Variants in VPS13B observed in about 807,000 individuals in gnomAD.
VPS13B encodes the protein intermembrane lipid transfer protein VPS13B.
Under a neutral mutation model 426.4 loss-of-function variants are expected in VPS13B, and 285 were observed. The observed-to-expected ratio is 0.67, with a 90% CI of 0.61 to 0.74. The LOEUF is 0.74. VPS13B is among the 30% of genes least tolerant of loss of function. The pLI is 0.00. For missense variants in VPS13B, 4,537 were observed against 4,782.6 expected (o/e 0.95, Z 1.51); for synonymous variants, 1,676 against 1,676.4 (o/e 1.00, Z 0.01).
intron 52 of VPS13B, among the ~76,000 whole-genome samples, chr8:99,833,382 G>C (rs1391328946): frequency 1.3e-5 from 2 of 152,198 alleles, no homozygotes; most frequent in African/African-American, 4.8e-5. Flanking sequence ...CTTATGATAA[G>C]TACCTTATTT....
chr8:99,467,807 G>A (rs1014952531), intron 24 of VPS13B, among the ~76,000 whole-genome samples, 173 bp downstream of exon 24: 2 of 152,166 alleles, frequency 1.3e-5, no homozygotes, highest in African/African-American at 4.8e-5. Flanking sequence ...CTCAAGTTGT[G>A]TAATTTAAAC....
chr8:99,431,483 C>T (rs2133412034), intron 21 of VPS13B, 54 bp from the exon 22 acceptor site: 3 of 1,599,274 alleles, frequency 1.9e-6, no homozygotes, highest in South Asian at 1.1e-5. Context: ...TTGGTATGTT[C>T]TGTGAAATTG....
At chr8:99,270,589 C>G (rs1258174301) in intron 17 of VPS13B, among the ~76,000 whole-genome samples, 1 of 152,096 alleles carries the variant, frequency 6.6e-6, no homozygotes, top group Non-Finnish European at 1.5e-5. Context: ...TAAAATAATT[C>G]TAAAGAAACT....
chr8:99,342,024 G>T (rs985593969), intron 19 of VPS13B, among the ~76,000 whole-genome samples: 1 of 152,066 alleles, frequency 6.6e-6, no homozygotes, highest in African/African-American at 2.4e-5. Context: ...ACAATGTACT[G>T]CAATTATTTT....
intron 35 of VPS13B, among the ~76,000 whole-genome samples, chr8:99,694,766 C>T (rs1304373844): frequency 6.6e-6 from 1 of 152,066 alleles, no homozygotes; most frequent in Non-Finnish European, 1.5e-5. Flanking sequence ...AGGCAACCTA[C>T]AACATGGGAG....
At chr8:99,130,975 C>G (rs1190279971) in intron 8 of VPS13B, among the ~76,000 whole-genome samples, 1 of 151,994 alleles carries the variant, frequency 6.6e-6, no homozygotes, top group Non-Finnish European at 1.5e-5. Context: ...AGTTCAAGAA[C>G]TTTCATTAGG....
At chr8:99,831,661 A>G (rs539476969) in intron 51 of VPS13B, among the ~76,000 whole-genome samples, 2 of 152,228 alleles carry the variant, frequency 1.3e-5, no homozygotes, top group Non-Finnish European at 2.9e-5. Flanking sequence ...GAAAAAATAA[A>G]CTAACAATAC....
In VPS13B at chr8:99,353,220, G is replaced by A. The variant is rs138683802; in HGVS notation, c.2825-30988G>A. Among the ~76,000 whole-genome samples the A allele has an allele frequency of 6.1e-3, 922 of 152,206 alleles. 12 individuals are homozygous for A. The highest frequency in any genetic ancestry group is 0.021 in the African/African-American group (877 of 41,546). On this transcript the variant is annotated intron_variant, in intron 19 of 61. Transcript: ENST00000357162. Reference sequence around the variant, plus strand: ...GCTGTTTTTGAACTCCTGATCTCAAGTGATCCACCCACCTTGGCCTCCCAA... The same window carrying A: ...GCTGTTTTTGAACTCCTGATCTCAAATGATCCACCCACCTTGGCCTCCCAA...
chr8:99,714,316 A>C (rs1832825847), intron 36 of VPS13B, among the ~76,000 whole-genome samples: 1 of 152,166 alleles, frequency 6.6e-6, no homozygotes, highest in Non-Finnish European at 1.5e-5. Context: ...AAATAATTGA[A>C]TTAGTATATG....
chr8:99,657,687 T>G (rs1830073357), intron 34 of VPS13B, among the ~76,000 whole-genome samples: 1 of 152,216 alleles, frequency 6.6e-6, no homozygotes, highest in African/African-American at 2.4e-5. Flanking sequence ...TATCTATAGA[T>G]AGATATTTAG....
chr8:99,118,509 A>G (rs1173801726), intron 7 of VPS13B, among the ~76,000 whole-genome samples: 1 of 152,130 alleles, frequency 6.6e-6, no homozygotes, highest in Non-Finnish European at 1.5e-5. Flanking sequence ...AACATCTGAG[A>G]TAGTTTCTTA....
chr8:99,314,290 C>T (rs1303216473), intron 19 of VPS13B, among the ~76,000 whole-genome samples: 1 of 152,076 alleles, frequency 6.6e-6, no homozygotes, highest in Non-Finnish European at 1.5e-5. Flanking sequence ...GGAGCTGTTC[C>T]TATTCGGCCA....
intron 19 of VPS13B, among the ~76,000 whole-genome samples, chr8:99,309,067 G>A (rs1820805067): frequency 6.6e-6 from 1 of 151,902 alleles, no homozygotes; most frequent in Non-Finnish European, 1.5e-5. Flanking sequence ...ATTCATTGTA[G>A]ATTCTGGATA....
At chr8:99,783,604 C>T (rs551564086) in intron 42 of VPS13B, among the ~76,000 whole-genome samples, 5 of 152,242 alleles carry the variant, frequency 3.3e-5, no homozygotes, top group Admixed American at 6.5e-5. Flanking sequence ...TAATTTGCTG[C>T]GCTTTAGCTG....
intron 14 of VPS13B, among the ~76,000 whole-genome samples, chr8:99,153,291 T>C (rs1588092652): frequency 6.6e-6 from 1 of 152,236 alleles, no homozygotes; most frequent in Non-Finnish European, 1.5e-5. Context: ...TTTAGACCAT[T>C]GATATGAAGT....
chr8:99,382,927 T>C (rs1813898256), intron 19 of VPS13B, among the ~76,000 whole-genome samples: 1 of 152,162 alleles, frequency 6.6e-6, no homozygotes, highest in Non-Finnish European at 1.5e-5. Context: ...TTTTCCCCAT[T>C]CAGTATGATG....
intron 39 of VPS13B, among the ~76,000 whole-genome samples, chr8:99,737,322 G>A (rs867653156): frequency 4.6e-5 from 7 of 151,176 alleles, no homozygotes; most frequent in Non-Finnish European, 7.4e-5. Context: ...GGGTTTCACC[G>A]TGTTAGCCAG....
chr8:99,638,042 C>G (rs976264675), intron 33 of VPS13B, among the ~76,000 whole-genome samples: 2 of 151,996 alleles, frequency 1.3e-5, no homozygotes, highest in African/African-American at 4.8e-5. Flanking sequence ...GTGAGAATTC[C>G]TAGTTGGTAA....
At chr8:99,740,614 C>T (rs1809658702) in intron 39 of VPS13B, among the ~76,000 whole-genome samples, 1 of 152,194 alleles carries the variant, frequency 6.6e-6, no homozygotes, top group South Asian at 2.1e-4. Context: ...ATCATGCTAA[C>T]AGCTGATCTC....
Sources: gnomAD v4.1 joint callset for allele counts (sites outside exome capture counted in the v4.1 genomes callset) on GRCh38, gnomAD v4.1.1 for gene constraint, MANE v1.5 for transcripts, NCBI Gene and HGNC (gene_info 2026-07-23, HGNC 2026-07-21) for gene names.